Variants in CORIN observed in about 807,000 individuals in gnomAD.
CORIN encodes atrial natriuretic peptide-converting enzyme.
Under a neutral mutation model 125.3 loss-of-function variants are expected in CORIN, and 117 were observed. That is an observed-to-expected ratio of 0.93 (90% CI 0.80 to 1.09). The LOEUF is 1.09. Among genes scored for constraint, CORIN ranks in the 50% least tolerant of loss-of-function variants. The probability of loss-of-function intolerance (pLI) is 0.00; values close to 1 mark genes in which losing one functional copy is unlikely to be tolerated. For missense variants in CORIN, 1,253 were observed against 1,306.7 expected (o/e 0.96, Z 0.63); for synonymous variants, 450 against 466.4 (o/e 0.96, Z 0.45).
chr4:47,702,074 G>A (rs564819871), intron 5 of CORIN, among the ~76,000 whole-genome samples: 3 of 152,170 alleles, frequency 2.0e-5, no homozygotes, highest in African/African-American at 7.2e-5. Flanking sequence ...CTTGGGAGGT[G>A]CTACCTTCCG....
chr4:47,634,453 G>C (rs1722950655), intron 16 of CORIN, among the ~76,000 whole-genome samples: 1 of 152,114 alleles, frequency 6.6e-6, no homozygotes, highest in Non-Finnish European at 1.5e-5. Context: ...GATCTACATG[G>C]TGAAACCCCA....
chr4:47,672,634 G>A (rs573462129), intron 10 of CORIN, among the ~76,000 whole-genome samples: 10 of 151,762 alleles, frequency 6.6e-5, no homozygotes, highest in Admixed American at 1.3e-4. Flanking sequence ...GTGTGTGTGT[G>A]TATATATATA....
intron 2 of CORIN, among the ~76,000 whole-genome samples, chr4:47,793,493 G>T (rs1330203217): frequency 6.6e-6 from 1 of 152,146 alleles, no homozygotes. Context: ...AATCAGAGGT[G>T]ACAATATGAA....
chr4:47,678,593 A>C (rs1415747296), intron 8 of CORIN, among the ~76,000 whole-genome samples: 1 of 152,240 alleles, frequency 6.6e-6, no homozygotes, highest in Admixed American at 6.5e-5. Flanking sequence ...AAGAACTTGC[A>C]TAGTAACTAA....
chr4:47,815,139 G>C, intron 1 of CORIN, among the ~76,000 whole-genome samples: 2 of 152,148 alleles, frequency 1.3e-5, no homozygotes, highest in Middle Eastern at 3.4e-3. Flanking sequence ...GAAAATCTAC[G>C]TAACCTTATA....
At chr4:47,760,920 C>T (rs1729418386) in intron 4 of CORIN, among the ~76,000 whole-genome samples, 2 of 152,320 alleles carry the variant, frequency 1.3e-5, no homozygotes, top group Admixed American at 1.3e-4. Flanking sequence ...TTCCTTAAAT[C>T]TCATGAACCA....
chr4:47,810,541 A>G (rs2109958608), intron 1 of CORIN, among the ~76,000 whole-genome samples: 1 of 152,342 alleles, frequency 6.6e-6, no homozygotes, highest in South Asian at 2.1e-4. Context: ...TGTTTTATAT[A>G]ATGTACACTG....
intron 3 of CORIN, among the ~76,000 whole-genome samples, chr4:47,775,886 G>C (rs1236264392): frequency 1.3e-5 from 2 of 152,166 alleles, no homozygotes; most frequent in African/African-American, 4.8e-5. Context: ...TTGGGGCTTT[G>C]TCTTTTGTTT....
intron 7 of CORIN, 62 bp downstream of exon 7, chr4:47,683,669 G>C: frequency 8.1e-7 from 1 of 1,234,146 alleles, no homozygotes. Flanking sequence ...TGAACTGTAA[G>C]TTTTTGGTTA....
intron 10 of CORIN, among the ~76,000 whole-genome samples, chr4:47,674,020 C>T (rs1245026297): frequency 1.3e-5 from 2 of 152,140 alleles, no homozygotes; most frequent in Non-Finnish European, 2.9e-5. Context: ...TTTCTATGAA[C>T]TTCATATTTG....
In CORIN at chr4:47,595,172, A is replaced by G. The variant is rs1035862821; in HGVS notation, c.*549T>C. 3 of 152,226 alleles carry G rather than the reference A, an allele frequency of 2.0e-5. No homozygotes were observed. Among genetic ancestry groups the G allele is most frequent in the African/African-American group, 7.2e-5 (3 of 41,446 alleles). 9.4% of individuals were successfully genotyped at this position (152,226 alleles called of 1,614,324 possible). ...GCACACCAACATGGCACATGTATAC[A>G]TATGTAACTAACCTGCACGTTGTGC... On this transcript the variant is annotated 3_prime_UTR_variant, in exon 22 of 22. Transcript: ENST00000273857.
At position 47,723,989 on chromosome 4, in the gene CORIN, C is replaced by G. The variant is rs1188856106; in HGVS notation, c.799+20413G>C. 1.1e-4 allele frequency among the ~76,000 whole-genome samples: 14 copies of G among 128,854 alleles called. No homozygotes were observed. In the East Asian group the frequency reaches 3.5e-3, roughly 32 times the overall value. 84.5% of individuals were successfully genotyped at this position (128,854 alleles called of 152,430 possible). A position where few individuals can be genotyped will look rare whatever the true frequency, so the allele number is the denominator to read the frequency against. On this transcript the variant is annotated intron_variant, in intron 5 of 21. Transcript: ENST00000273857. Reference sequence around the variant, plus strand: ...CCAGCCTGGACGACAGAGTGAGACTCCATCTCAAAAAAAAAAAAAAAAAAA... The same window carrying G: ...CCAGCCTGGACGACAGAGTGAGACTGCATCTCAAAAAAAAAAAAAAAAAAA...
intron 13 of CORIN, among the ~76,000 whole-genome samples, chr4:47,649,331 G>A (rs1213018859): frequency 3.3e-5 from 5 of 152,172 alleles, no homozygotes; most frequent in Non-Finnish European, 5.9e-5. Context: ...TTTACTATGT[G>A]AGCCAGAGAC....
In CORIN at chr4:47,646,636, T is replaced by C. The variant is rs1421535195; in HGVS notation, c.1844-1442A>G. 4.6e-5 allele frequency among the ~76,000 whole-genome samples: 7 copies of C among 152,342 alleles called. No homozygotes were observed. In the South Asian group the frequency reaches 1.2e-3, roughly 27 times the overall value. On this transcript the variant is annotated intron_variant, in intron 13 of 21. Coordinates refer to ENST00000273857, the MANE Select transcript of CORIN (RefSeq NM_006587.4). Reference sequence around the variant, plus strand: ...AAGAGACTACATGGCAAAAAAAATTTGAGTACCTTCCACCCCCTTGGCTAG... The same window carrying C: ...AAGAGACTACATGGCAAAAAAAATTCGAGTACCTTCCACCCCCTTGGCTAG...
chr4:47,621,810 T>C (rs13119296), intron 19 of CORIN, among the ~76,000 whole-genome samples: 40,811 of 151,880 alleles, frequency 0.27, 5,636 homozygotes, highest in Admixed American at 0.35. Flanking sequence ...GCCGATGACA[T>C]TCCATGATGT....
intron 5 of CORIN, chr4:47,707,121 G>T (rs977273785): frequency 2.9e-6 from 4 of 1,396,914 alleles, no homozygotes; most frequent in Admixed American, 5.8e-5. Flanking sequence ...GAAAGTTAAA[G>T]TGCAATAATG....
intron 1 of CORIN, among the ~76,000 whole-genome samples, chr4:47,816,692 T>C (rs1577948272): frequency 6.6e-6 from 1 of 152,144 alleles, no homozygotes; most frequent in Non-Finnish European, 1.5e-5. Flanking sequence ...TGTCTGTTGG[T>C]TGAAGGAGGA....
At chr4:47,791,049 A>G (rs981521286) in intron 2 of CORIN, among the ~76,000 whole-genome samples, 4 of 152,314 alleles carry the variant, frequency 2.6e-5, no homozygotes, top group East Asian at 3.9e-4. Flanking sequence ...CCACATCCCA[A>G]TTCCTAGAAC....
At chr4:47,671,176 C>T (rs1014103305) in intron 10 of CORIN, among the ~76,000 whole-genome samples, 2 of 152,180 alleles carry the variant, frequency 1.3e-5, no homozygotes, top group African/African-American at 2.4e-5. Flanking sequence ...GACTGGGTCC[C>T]ACCCAATATA....
Sources: allele counts gnomAD v4.1 joint callset (sites outside exome capture counted in the v4.1 genomes callset), GRCh38; gene constraint gnomAD v4.1.1; transcripts MANE v1.5; gene names NCBI Gene and HGNC (gene_info 2026-07-23, HGNC 2026-07-21).